The following SORCS3 variants were observed in gnomAD, a reference collection of about 807,000 sequenced individuals.
SORCS3 encodes sortilin related VPS10 domain containing receptor 3.
SORCS3 carries 57 observed loss-of-function variants against 146.3 expected under a neutral mutation model. The ratio of observed to expected loss-of-function variants is 0.39; its 90% CI spans 0.31 to 0.49. SORCS3 has a LOEUF of 0.49. Ranked by LOEUF, SORCS3 falls within the 20% of genes least tolerant of loss-of-function variation. The pLI is 0.92. For missense variants in SORCS3, 1,341 were observed against 1,575.5 expected, an observed-to-expected ratio of 0.85 and a Z score of 2.52; for synonymous variants, 653 against 618.5, an observed-to-expected ratio of 1.06 and a Z score of -0.83.
chr10:104,719,471 T>C (rs2016518331), intron 1 of SORCS3, among the ~76,000 whole-genome samples: 1 of 152,214 alleles, frequency 6.6e-6, no homozygotes, highest in South Asian at 2.1e-4. Flanking sequence ...TCGACTTCTG[T>C]ATTCATCTGA....
At chr10:104,963,385 C>T (rs936171323) in intron 3 of SORCS3, among the ~76,000 whole-genome samples, 1 of 152,154 alleles carries the variant, frequency 6.6e-6, no homozygotes, top group South Asian at 2.1e-4. Context: ...CTCTTTATAC[C>T]TGACCATCAG....
At chr10:104,834,946 T>C (rs1407380890) in intron 1 of SORCS3, among the ~76,000 whole-genome samples, 1 of 152,038 alleles carries the variant, frequency 6.6e-6, no homozygotes, top group Non-Finnish European at 1.5e-5. Flanking sequence ...ACAGAGTTGG[T>C]AATGCTCCCT....
intron 3 of SORCS3, among the ~76,000 whole-genome samples, chr10:104,917,987 A>T (rs939986917): frequency 3.3e-5 from 5 of 152,168 alleles, no homozygotes; most frequent in South Asian, 2.1e-4. Flanking sequence ...TTTTCTTTGG[A>T]TATATACCCA....
intron 1 of SORCS3, among the ~76,000 whole-genome samples, chr10:104,729,139 G>A (rs1400761135): frequency 6.6e-6 from 1 of 152,148 alleles, no homozygotes; most frequent in East Asian, 1.9e-4. Flanking sequence ...TTTAAAAAAT[G>A]GTATGTGTAA....
chr10:105,170,069 T>C (rs2056346733), intron 13 of SORCS3, among the ~76,000 whole-genome samples: 1 of 152,036 alleles, frequency 6.6e-6, no homozygotes, highest in Non-Finnish European at 1.5e-5. Context: ...AAAGAAAGAG[T>C]TTATTTTTGT....
At chr10:104,928,271 C>G (rs2019170554) in intron 3 of SORCS3, among the ~76,000 whole-genome samples, 1 of 152,148 alleles carries the variant, frequency 6.6e-6, no homozygotes. Flanking sequence ...CGACCAGCCT[C>G]TCAGACTGAT....
intron 1 of SORCS3, among the ~76,000 whole-genome samples, chr10:104,749,500 T>C (rs1356994112): frequency 1.3e-5 from 2 of 152,170 alleles, no homozygotes; most frequent in Non-Finnish European, 2.9e-5. Context: ...AAGGGAAGCA[T>C]GTAAAATACT....
At chr10:104,787,300 T>C (rs1023463042) in intron 1 of SORCS3, among the ~76,000 whole-genome samples, 14 of 152,200 alleles carry the variant, frequency 9.2e-5, no homozygotes, top group African/African-American at 3.4e-4. Context: ...AGTATTCTTA[T>C]TGATGGGTGC....
intron 5 of SORCS3, among the ~76,000 whole-genome samples, chr10:105,057,257 A>G (rs74157405): frequency 0.014 from 2,189 of 152,238 alleles, 49 homozygotes; most frequent in African/African-American, 0.049. Context: ...CAGATTCTTA[A>G]TTAGCTTTGT....
At chr10:104,784,633 G>A (rs918480497) in intron 1 of SORCS3, among the ~76,000 whole-genome samples, 36 of 152,306 alleles carry the variant, frequency 2.4e-4, no homozygotes, top group African/African-American at 7.5e-4. Flanking sequence ...TCAGCTCCCT[G>A]ACTCTGCAGG....
intron 20 of SORCS3, among the ~76,000 whole-genome samples, chr10:105,242,499 T>TATTTATATATATTTATATAC (rs2056834312): frequency 1.2e-5 from 1 of 83,264 alleles, no homozygotes; most frequent in Non-Finnish European, 2.1e-5. Flanking sequence ...TATTTATATA[T>TATTTATATATATTTATATAC]ATTTATATAT....
intron 1 of SORCS3, among the ~76,000 whole-genome samples, chr10:104,757,855 C>T (rs1438114816): frequency 1.7e-4 from 1 of 5,834 alleles, no homozygotes; most frequent in Non-Finnish European, 3.3e-4. Flanking sequence ...CCCACTGCCA[C>T]CACCCCCCCC....
chr10:105,232,608 A>G (rs1384570048), intron 20 of SORCS3, among the ~76,000 whole-genome samples: 2 of 148,658 alleles, frequency 1.3e-5, no homozygotes, highest in African/African-American at 5.0e-5. Flanking sequence ...TTGTTTCCTG[A>G]GATGGGAGGT....
At chr10:105,209,301 T>G (rs1263578002) in intron 16 of SORCS3, among the ~76,000 whole-genome samples, 19 of 151,964 alleles carry the variant, frequency 1.3e-4, no homozygotes, top group Admixed American at 1.3e-4. Context: ...CCACCATGCC[T>G]GGTGAATTTT....
intron 1 of SORCS3, among the ~76,000 whole-genome samples, chr10:104,659,694 C>T (rs528400022): frequency 6.6e-6 from 1 of 152,228 alleles, no homozygotes; most frequent in Non-Finnish European, 1.5e-5. Flanking sequence ...TCCCATTTTG[C>T]CTGGTCTTTG....
chr10:105,244,416 T>G (rs1320782233), intron 20 of SORCS3, among the ~76,000 whole-genome samples: 1 of 152,082 alleles, frequency 6.6e-6, no homozygotes, highest in East Asian at 1.9e-4. Context: ...CAACCAAACT[T>G]AGATTGAAAA....
intron 1 of SORCS3, among the ~76,000 whole-genome samples, chr10:104,760,688 G>A (rs970329699): frequency 2.6e-5 from 4 of 152,186 alleles, no homozygotes; most frequent in African/African-American, 9.7e-5. Context: ...AAATTGACAT[G>A]AGAGGCAGAC....
At chr10:104,710,283 C>A (rs1363754759) in intron 1 of SORCS3, among the ~76,000 whole-genome samples, 1 of 152,202 alleles carries the variant, frequency 6.6e-6, no homozygotes, top group Non-Finnish European at 1.5e-5. Context: ...TTGACTGAGG[C>A]TGTCAAATCT....
At chr10:105,102,947 AC>A (rs1465423143) in intron 6 of SORCS3, among the ~76,000 whole-genome samples, 2 of 151,564 alleles carry the variant, frequency 1.3e-5, no homozygotes, top group African/African-American at 2.4e-5. Flanking sequence ...ATGCTACCAC[AC>A]CCAGCTAGTA....
Sources: gnomAD v4.1 joint callset for allele counts (sites outside exome capture counted in the v4.1 genomes callset) on GRCh38, gnomAD v4.1.1 for gene constraint, MANE v1.5 for transcripts, NCBI Gene and HGNC (gene_info 2026-07-23, HGNC 2026-07-21) for gene names.